The following MFHAS1 variants were observed in gnomAD, a reference collection of about 807,000 sequenced individuals.
MFHAS1 encodes malignant fibrous histiocytoma-amplified sequence 1.
A neutral mutation model predicts 70.4 loss-of-function variants in MFHAS1; 50 were observed. The observed-to-expected ratio is 0.71, with a 90% CI of 0.57 to 0.90. The LOEUF (loss-of-function observed/expected upper bound fraction) is 0.90, where lower values mean the gene tolerates loss of function less well. MFHAS1 is among the 40% of genes least tolerant of loss of function. The pLI is 0.00. For synonymous variants in MFHAS1, 952 were observed against 620.0 expected (o/e 1.54, Z -7.96); for missense variants, 1,795 against 1,347.6 (o/e 1.33, Z -5.20).
chr8:8,872,370 G>T (rs770175975), intron 1 of MFHAS1, among the ~76,000 whole-genome samples: 2 of 152,122 alleles, frequency 1.3e-5, no homozygotes, highest in South Asian at 2.1e-4. Context: ...TAAATCAGAA[G>T]ATTTATGAAC....
At chr8:8,808,100 G>A (rs1208664805) in intron 1 of MFHAS1, among the ~76,000 whole-genome samples, 1 of 152,112 alleles carries the variant, frequency 6.6e-6, no homozygotes, top group East Asian at 1.9e-4. Context: ...AATCTCCTGT[G>A]TCCACTGTCC....
chr8:8,874,813 G>A (rs1169109831), intron 1 of MFHAS1, among the ~76,000 whole-genome samples: 5 of 150,402 alleles, frequency 3.3e-5, no homozygotes, highest in African/African-American at 1.2e-4. Flanking sequence ...GCAAAGAGGG[G>A]AACAAGCTAG....
At chr8:8,872,484 T>C (rs1464744117) in intron 1 of MFHAS1, among the ~76,000 whole-genome samples, 1 of 152,224 alleles carries the variant, frequency 6.6e-6, no homozygotes, top group African/African-American at 2.4e-5. Flanking sequence ...AACAGTCATC[T>C]GGCTTTTCTT....
At chr8:8,824,515 TCTC>T (rs1283065346) in intron 1 of MFHAS1, among the ~76,000 whole-genome samples, 9 of 132,318 alleles carry the variant, frequency 6.8e-5, no homozygotes, top group African/African-American at 2.0e-4. Flanking sequence ...TCTCTTTCTC[TCTC>T]TTTCACACAC....
intron 1 of MFHAS1, among the ~76,000 whole-genome samples, chr8:8,883,454 T>C (rs1809608074): frequency 6.6e-6 from 1 of 150,586 alleles, no homozygotes; most frequent in African/African-American, 2.5e-5. Flanking sequence ...ATGCCTGTAA[T>C]CCCAGCACTT....
intron 1 of MFHAS1, among the ~76,000 whole-genome samples, chr8:8,826,881 C>A (rs1295083795): frequency 6.6e-6 from 1 of 152,162 alleles, no homozygotes; most frequent in Non-Finnish European, 1.5e-5. Flanking sequence ...GAAACACACC[C>A]ACATAATTAG....
chr8:8,812,118 C>T (rs935286186), intron 1 of MFHAS1, among the ~76,000 whole-genome samples: 8 of 152,216 alleles, frequency 5.3e-5, no homozygotes, highest in African/African-American at 1.9e-4. Flanking sequence ...ACTCCAATGC[C>T]AACCTCTTAG....
intron 1 of MFHAS1, among the ~76,000 whole-genome samples, chr8:8,825,466 C>A (rs953531770): frequency 5.9e-5 from 9 of 152,212 alleles, no homozygotes; most frequent in Admixed American, 5.9e-4. Flanking sequence ...AGCCACCATG[C>A]CCAGCCTAAG....
chr8:8,789,455 G>C (rs1350468749), intron 2 of MFHAS1, among the ~76,000 whole-genome samples: 1 of 152,138 alleles, frequency 6.6e-6, no homozygotes, highest in African/African-American at 2.4e-5. Flanking sequence ...AGAGGTCTGG[G>C]GCTGAAGGGA....
intron 1 of MFHAS1, among the ~76,000 whole-genome samples, chr8:8,799,822 T>C (rs185494977): frequency 2.0e-5 from 3 of 152,320 alleles, no homozygotes; most frequent in East Asian, 1.9e-4. Flanking sequence ...GCCACACTGA[T>C]AGCGCAGGCC....
intron 1 of MFHAS1, among the ~76,000 whole-genome samples, chr8:8,815,953 C>T (rs28413895): frequency 0.2 from 30,658 of 152,092 alleles, 5,215 homozygotes; most frequent in African/African-American, 0.47. Context: ...CATATTCGTA[C>T]AATAGACTAC....
intron 1 of MFHAS1, among the ~76,000 whole-genome samples, chr8:8,812,050 C>T (rs960300969): frequency 6.6e-6 from 1 of 152,228 alleles, no homozygotes; most frequent in Non-Finnish European, 1.5e-5. Context: ...TACCAGATTA[C>T]TGGATCTTTT....
Position 8,797,307 on chromosome 8 carries a change from T to C in MFHAS1, c.3125+58A>G, listed in dbSNP as rs1056880106. The C allele has an allele frequency of 8.1e-6, 13 of 1,597,656 alleles. No individual in the cohort carries two copies. The African/African-American group carries it at 1.3e-4, about 16-fold the overall frequency. On this transcript the variant is annotated intron_variant, in intron 2 of 2. Transcript: ENST00000276282. ...TTTAACCTGGATTTTTGTGGTCATA[T>C]CTATGGAGCTGGGATCAGGAGCCAG...
chr8:8,828,621 G>A (rs543343801), intron 1 of MFHAS1, among the ~76,000 whole-genome samples: 4 of 152,328 alleles, frequency 2.6e-5, no homozygotes, highest in African/African-American at 4.8e-5. Context: ...GAGGAAAAAC[G>A]CAAAAGCTAA....
At chr8:8,832,645 T>C (rs911791814) in intron 1 of MFHAS1, among the ~76,000 whole-genome samples, 40 of 149,066 alleles carry the variant, frequency 2.7e-4, no homozygotes, top group African/African-American at 9.4e-4. Context: ...TTTTTTTTTT[T>C]CAAGACAGAG....
chr8:8,824,495 T>G (rs1054471251), intron 1 of MFHAS1, among the ~76,000 whole-genome samples: 1 of 140,948 alleles, frequency 7.1e-6, no homozygotes, highest in Non-Finnish European at 1.6e-5. Context: ...TAAAGGGCAA[T>G]GAAAGTCTTT....
At chr8:8,863,700 G>A (rs1217823086) in intron 1 of MFHAS1, among the ~76,000 whole-genome samples, 4 of 152,040 alleles carry the variant, frequency 2.6e-5, no homozygotes, top group Admixed American at 6.6e-5. Context: ...CCAGACCATG[G>A]CCTGTTTTCA....
chr8:8,817,388 A>C (rs1806787405), intron 1 of MFHAS1, among the ~76,000 whole-genome samples: 1 of 152,268 alleles, frequency 6.6e-6, no homozygotes, highest in Non-Finnish European at 1.5e-5. Flanking sequence ...TTGAAATAAA[A>C]AGTATGGGCA....
intron 1 of MFHAS1, among the ~76,000 whole-genome samples, chr8:8,872,980 G>A (rs938308584): frequency 2.6e-5 from 4 of 152,152 alleles, no homozygotes; most frequent in Admixed American, 1.3e-4. Flanking sequence ...TGCCACTCGT[G>A]AGCCATCTGG....
Sources: allele counts gnomAD v4.1 joint callset (sites outside exome capture counted in the v4.1 genomes callset), GRCh38; gene constraint gnomAD v4.1.1; transcripts MANE v1.5; gene names NCBI Gene and HGNC (gene_info 2026-07-23, HGNC 2026-07-21).